Variants in DZIP3 observed in about 807,000 individuals in gnomAD.
DZIP3 encodes the protein DAZ interacting zinc finger protein 3.
Under a neutral mutation model 162.0 loss-of-function variants are expected in DZIP3, and 118 were observed. The ratio of observed to expected loss-of-function variants is 0.73; its 90% CI spans 0.63 to 0.85. The LOEUF (loss-of-function observed/expected upper bound fraction) is 0.85, where lower values mean the gene tolerates loss of function less well. Ranked by LOEUF, DZIP3 falls within the 40% of genes least tolerant of loss-of-function variation. The probability of loss-of-function intolerance (pLI) is 0.00; values close to 1 mark genes in which losing one functional copy is unlikely to be tolerated. For synonymous variants in DZIP3, 438 were observed against 458.6 expected, an observed-to-expected ratio of 0.96 and a Z score of 0.57; for missense variants, 1,331 against 1,407.0, an observed-to-expected ratio of 0.95 and a Z score of 0.86.
In DZIP3 at chr3:108,686,558, GA is replaced by G. The variant is rs1559787127; in HGVS notation, c.3127del (p.Thr1043LeufsTer18). On this transcript the variant is annotated frameshift_variant, in exon 28 of 33. Transcript: ENST00000361582. LOFTEE classifies it high-confidence loss of function. ...ATTGGGAGAGAATTACAGACAGGCT[GA>G]AAACTGCCTTTCCACAGCAAACCAG... ...MNWERITDRL[K>X]TAFPQQTRKE... 3.7e-6 allele frequency: 6 copies of G among 1,609,942 alleles called. No individual in the cohort carries two copies. Among genetic ancestry groups the G allele is most frequent in the Non-Finnish European group, 5.1e-6 (6 of 1,178,682 alleles).
At chr3:108,650,884 AG>A (rs1942833490) in intron 17 of DZIP3, among the ~76,000 whole-genome samples, 1 of 151,702 alleles carries the variant, frequency 6.6e-6, no homozygotes, top group East Asian at 1.9e-4. Context: ...TTTTAAAAAA[AG>A]GAAATAGGAA....
At chr3:108,601,280 G>C (rs911892304) in intron 1 of DZIP3, among the ~76,000 whole-genome samples, 4 of 151,996 alleles carry the variant, frequency 2.6e-5, no homozygotes, top group African/African-American at 7.2e-5. Flanking sequence ...GGTGTGTGTT[G>C]GTGGGGAGCT....
intron 12 of DZIP3, among the ~76,000 whole-genome samples, chr3:108,640,199 G>A (rs1270743886): frequency 6.6e-6 from 1 of 151,976 alleles, no homozygotes; most frequent in Non-Finnish European, 1.5e-5. Context: ...TTCTGATCTT[G>A]AATGAAATAG....
intron 23 of DZIP3, among the ~76,000 whole-genome samples, 180 bp downstream of exon 23, chr3:108,672,836 G>C (rs1190846653): frequency 1.3e-5 from 2 of 151,944 alleles, no homozygotes; most frequent in African/African-American, 4.8e-5. Flanking sequence ...CAAATCATGT[G>C]TGAATACTTC....
chr3:108,669,830 T>C, intron 22 of DZIP3, 81 bp downstream of exon 22: 1 of 1,134,118 alleles, frequency 8.8e-7, no homozygotes, highest in Non-Finnish European at 1.3e-6. Context: ...CATATTGATG[T>C]AATTTATCAT....
rs1419897642 is a variant in DZIP3, at chr3:108,674,239, C to T, written c.2693+58C>T. On this transcript the variant is annotated intron_variant, in intron 24 of 32. Transcript: ENST00000361582. ...TTTTAGAGATGTTAGCAAGTGTCTC[C>T]ACGGTTGAATATAATCTGTGATGTG... 2.2e-6 allele frequency: 3 copies of T among 1,394,974 alleles called. No individual in the cohort carries two copies. In the African/African-American group the frequency reaches 4.3e-5, roughly 20 times the overall value. The allele number at this position is 1,394,974 out of a possible 1,614,324, so 86.4% of individuals were successfully genotyped here. A position where few individuals can be genotyped will look rare whatever the true frequency, so the allele number is the denominator to read the frequency against.
intron 8 of DZIP3, among the ~76,000 whole-genome samples, chr3:108,631,094 C>CTCTCTCTCTCTCTCTCTCTCTCT (rs72570540): frequency 3.6e-5 from 5 of 139,470 alleles, no homozygotes; most frequent in African/African-American, 8.1e-5. Flanking sequence ...CTCTCTCTCT[C>CTCTCTCTCTCTCTCTCTCTCTCT]CTATCCTACT....
chr3:108,619,242 C>T (rs574699217), intron 5 of DZIP3, among the ~76,000 whole-genome samples: 2 of 151,702 alleles, frequency 1.3e-5, no homozygotes, highest in African/African-American at 4.8e-5. Context: ...GTCCAGGGTT[C>T]TCCAGAGAAA....
At position 108,619,302 on chromosome 3, in the gene DZIP3, A is replaced by ATGTG. The variant is rs35589891; in HGVS notation, c.375+2665_375+2668dup. ...TGTATGTGTGTGGGTATATGTGTGTATGTGTGTGTGTGTGTGTGTGTGTTT... is the reference window on the plus strand; with the variant it reads ...TGTATGTGTGTGGGTATATGTGTGTATGTGTGTGTGTGTGTGTGTGTGTGTGTTT... On this transcript the variant is annotated intron_variant, in intron 5 of 32. Transcript: ENST00000361582. 2.3e-3 allele frequency among the ~76,000 whole-genome samples: 335 copies of ATGTG among 148,222 alleles called. 1 individual carries two copies. Among genetic ancestry groups the ATGTG allele is most frequent in the African/African-American group, 6.1e-3 (245 of 40,450 alleles).
chr3:108,671,012 C>G (rs1374426796), intron 22 of DZIP3, among the ~76,000 whole-genome samples: 3 of 151,656 alleles, frequency 2.0e-5, no homozygotes, highest in Admixed American at 2.0e-4. Flanking sequence ...AGTTCTTGTC[C>G]CTTATCAGAT....
intron 22 of DZIP3, among the ~76,000 whole-genome samples, chr3:108,672,132 T>C (rs931222134): frequency 1.2e-4 from 18 of 151,936 alleles, no homozygotes; most frequent in African/African-American, 3.9e-4. Context: ...TGGGCATTAA[T>C]TCCATTCATT....
chr3:108,620,958 A>G (rs1478799020), intron 5 of DZIP3, among the ~76,000 whole-genome samples: 2 of 152,098 alleles, frequency 1.3e-5, no homozygotes, highest in Non-Finnish European at 2.9e-5. Flanking sequence ...AGTAGCTGGG[A>G]CTACAGGCGC....
At position 108,636,708 on chromosome 3, in the gene DZIP3, G is replaced by A. The variant is rs1942163685; in HGVS notation, c.1011G>A (p.Leu337=). ...ATGTACCTGGAATTGTTAAAATTTTGGTGAGTATCTTGTTTTGTCCTTTTT... is the reference window on the plus strand; with the variant it reads ...ATGTACCTGGAATTGTTAAAATTTTAGTGAGTATCTTGTTTTGTCCTTTTT... ...QCDVPGIVKI[L]FEVVRKDEYI... The change falls in exon 11 of 33, where the codon TTG becomes TTA. Residue 337 remains leucine, a splice_region_variant and synonymous_variant. Coordinates refer to ENST00000361582, the MANE Select transcript of DZIP3 (RefSeq NM_014648.4). The A allele has an allele frequency of 5.1e-6, 8 of 1,559,834 alleles. No individual in the cohort carries two copies. Among genetic ancestry groups the A allele is most frequent in the Non-Finnish European group, 6.9e-6 (8 of 1,160,140 alleles).
intron 5 of DZIP3, among the ~76,000 whole-genome samples, chr3:108,617,279 G>C (rs1263488717): frequency 6.6e-6 from 1 of 152,084 alleles, no homozygotes; most frequent in African/African-American, 2.4e-5. Flanking sequence ...CCACAAAAAT[G>C]ATAAATATGT....
intron 26 of DZIP3, among the ~76,000 whole-genome samples, chr3:108,682,834 A>G (rs1219610743): frequency 1.3e-5 from 2 of 150,802 alleles, no homozygotes; most frequent in Non-Finnish European, 2.9e-5. Flanking sequence ...GTTACACCAT[A>G]CATGTATACA....
At position 108,663,577 on chromosome 3, in the gene DZIP3, CTG is replaced by C. The variant is rs1282498995; in HGVS notation, c.2423+1322_2423+1323del. ...GTCTCAAAAAAAAAAAAAAAAGAAA[CTG>C]TACTTCAGCATTCAAAACTTCATCT... On this transcript the variant is annotated intron_variant, in intron 21 of 32. Transcript: ENST00000361582. Among the ~76,000 whole-genome samples the C allele has an allele frequency of 2.7e-5, 4 of 145,804 alleles. No homozygotes were observed. In the East Asian group the frequency reaches 8.2e-4, roughly 30 times the overall value.
At chr3:108,613,283 G>A (rs1457673165) in intron 4 of DZIP3, among the ~76,000 whole-genome samples, 1 of 152,066 alleles carries the variant, frequency 6.6e-6, no homozygotes, top group Admixed American at 6.5e-5. Context: ...TAAATGCTAA[G>A]TCTAAAGTTC....
At position 108,674,187 on chromosome 3, in the gene DZIP3, C is replaced by A. The variant is rs767379069; in HGVS notation, c.2693+6C>A. 1.1e-5 allele frequency: 18 copies of A among 1,609,778 alleles called. No individual in the cohort carries two copies. Among genetic ancestry groups the A allele is most frequent in the Non-Finnish European group, 1.5e-5 (18 of 1,176,910 alleles). On this transcript the variant is annotated splice_donor_region_variant and intron_variant, in intron 24 of 32. Transcript: ENST00000361582. ...GTGACTCACATGGCAGCAAGGTAACCTTTCCCTCTTCCTTAATGCATCTTA... is the reference window on the plus strand; with the variant it reads ...GTGACTCACATGGCAGCAAGGTAACATTTCCCTCTTCCTTAATGCATCTTA...
intron 24 of DZIP3, among the ~76,000 whole-genome samples, chr3:108,674,898 A>G (rs1005898766): frequency 6.6e-6 from 1 of 151,984 alleles, no homozygotes; most frequent in Admixed American, 6.6e-5. Flanking sequence ...CTAAAGAATC[A>G]GAGTCTTTGA....
Sources: allele counts gnomAD v4.1 joint callset (sites outside exome capture counted in the v4.1 genomes callset), GRCh38; gene constraint gnomAD v4.1.1; transcripts MANE v1.5; gene names NCBI Gene and HGNC (gene_info 2026-07-23, HGNC 2026-07-21).